SAMMSON: variants seen among roughly 807,000 people sequenced by gnomAD.
The protein encoded by SAMMSON is long intergenic non-protein coding RNA 1212.
At chr3:70,359,644 G>A (rs151057585) in intron 9 of SAMMSON, among the ~76,000 whole-genome samples, 36 of 152,154 alleles carry the variant, frequency 2.4e-4, no homozygotes, top group South Asian at 1.7e-3. Context: ...TAGCTAAGCC[G>A]TCACACTTAA....
At chr3:70,199,656 C>T (rs896527160) in intron 4 of SAMMSON, among the ~76,000 whole-genome samples, 3 of 152,106 alleles carry the variant, frequency 2.0e-5, no homozygotes, top group Non-Finnish European at 4.4e-5. Flanking sequence ...TTGCATATGG[C>T]CAATTTTTGT....
intron 4 of SAMMSON, among the ~76,000 whole-genome samples, chr3:70,099,672 C>T (rs1383627057): frequency 6.6e-6 from 1 of 152,102 alleles, no homozygotes; most frequent in African/African-American, 2.4e-5. Context: ...TTCAGTTTGG[C>T]CTTGATTACT....
At chr3:70,203,089 A>G (rs1464187108) in intron 4 of SAMMSON, among the ~76,000 whole-genome samples, 2 of 152,098 alleles carry the variant, frequency 1.3e-5, no homozygotes, top group Admixed American at 6.6e-5. Context: ...CTGCTACCCC[A>G]GGACTCCTTA....
At chr3:70,126,042 T>C in intron 4 of SAMMSON, 1 of 1,002,768 alleles carries the variant, frequency 1.0e-6, no homozygotes, top group Non-Finnish European at 1.5e-6. Context: ...GCAAATTCAT[T>C]TTATTCATAA....
At chr3:70,073,269 TAG>T (rs1332644495) in intron 4 of SAMMSON, among the ~76,000 whole-genome samples, 1 of 152,050 alleles carries the variant, frequency 6.6e-6, no homozygotes, top group African/African-American at 2.4e-5. Context: ...CTTATAGTCT[TAG>T]GTGTTGGCAC....
rs181067671 is a variant in SAMMSON, at chr3:70,212,290, T to G, written n.508-36817T>G. 2.5e-4 allele frequency among the ~76,000 whole-genome samples: 38 copies of G among 152,274 alleles called. No individual in the cohort carries two copies. In the East Asian group the frequency reaches 5.6e-3, roughly 22 times the overall value. On this transcript the variant is annotated intron_variant and non_coding_transcript_variant, in intron 4 of 9. Transcript: ENST00000642114. The stretch of plus-strand genomic sequence containing the variant: ...ACACTTGTAACTGTCTATTGGACAT[T>G]TTTTGTGGGTAACTAGCGAAATCCT...
At chr3:70,391,816 TACTG>T (rs1701051245), downstream of SAMMSON, among the ~76,000 whole-genome samples, 2 of 152,278 alleles carry the variant, frequency 1.3e-5, no homozygotes, top group Admixed American at 1.3e-4. Flanking sequence ...AAGGCAAACT[TACTG>T]ACGCATCATG....
downstream of SAMMSON, among the ~76,000 whole-genome samples, chr3:70,392,601 G>A (rs1401629172): frequency 6.6e-6 from 1 of 152,150 alleles, no homozygotes; most frequent in East Asian, 1.9e-4. Context: ...AATGTTTGCA[G>A]TAAGGCTGAA....
At chr3:70,064,159 A>G (rs2067201013) in intron 3 of SAMMSON, among the ~76,000 whole-genome samples, 1 of 152,144 alleles carries the variant, frequency 6.6e-6, no homozygotes, top group Non-Finnish European at 1.5e-5. Context: ...ATAAAAAATT[A>G]TTTGAGACTG....
intron 4 of SAMMSON, among the ~76,000 whole-genome samples, chr3:70,232,120 G>A (rs1333007866): frequency 1.3e-5 from 2 of 152,156 alleles, no homozygotes; most frequent in Non-Finnish European, 2.9e-5. Flanking sequence ...GGTGACACTG[G>A]CAGCGAGATG....
At chr3:70,344,891 CA>C in intron 7 of SAMMSON, among the ~76,000 whole-genome samples, 1 of 152,236 alleles carries the variant, frequency 6.6e-6, no homozygotes, top group South Asian at 2.1e-4. Context: ...GCCATTTCTC[CA>C]AGGATGTATT....
At chr3:70,202,641 C>T (rs955802982) in intron 4 of SAMMSON, among the ~76,000 whole-genome samples, 4 of 152,118 alleles carry the variant, frequency 2.6e-5, no homozygotes, top group African/African-American at 9.7e-5. Flanking sequence ...CAGAGACCTG[C>T]AGGCTGCACA....
At chr3:70,365,032 G>A (rs1389592877) in intron 9 of SAMMSON, among the ~76,000 whole-genome samples, 1 of 151,424 alleles carries the variant, frequency 6.6e-6, no homozygotes, top group Non-Finnish European at 1.5e-5. Flanking sequence ...TTTCTAAAAT[G>A]TACATTTATT....
intron 6 of SAMMSON, among the ~76,000 whole-genome samples, chr3:70,263,539 ATGTT>A (rs1035824702): frequency 2.6e-5 from 4 of 152,102 alleles, no homozygotes; most frequent in Non-Finnish European, 5.9e-5. Flanking sequence ...TCTCTGGAAA[ATGTT>A]TGGTTGACAG....
intron 3 of SAMMSON, among the ~76,000 whole-genome samples, chr3:70,047,393 A>G (rs906885080): frequency 6.6e-6 from 1 of 151,452 alleles, no homozygotes; most frequent in African/African-American, 2.4e-5. Flanking sequence ...CTGGAGTATA[A>G]CAGTGTGATC....
intron 4 of SAMMSON, among the ~76,000 whole-genome samples, chr3:70,210,455 A>G (rs150163265): frequency 6.6e-6 from 1 of 152,246 alleles, no homozygotes; most frequent in East Asian, 1.9e-4. Context: ...AGTGAGTCAC[A>G]ATTTTTGGGT....
At chr3:70,371,800 C>G (rs2106746247) in intron 9 of SAMMSON, among the ~76,000 whole-genome samples, 1 of 152,200 alleles carries the variant, frequency 6.6e-6, no homozygotes, top group South Asian at 2.1e-4. Context: ...TTGGCTTCTT[C>G]TTTTCCAGAT....
At chr3:70,317,870 A>G (rs182649251) in intron 7 of SAMMSON, among the ~76,000 whole-genome samples, 2 of 151,974 alleles carry the variant, frequency 1.3e-5, no homozygotes, top group Admixed American at 1.3e-4. Context: ...TCATTTGTCT[A>G]AAAATGTCTT....
intron 2 of SAMMSON, among the ~76,000 whole-genome samples, chr3:70,398,344 G>A (rs921152310): frequency 6.6e-6 from 1 of 152,130 alleles, no homozygotes; most frequent in African/African-American, 2.4e-5. Flanking sequence ...ATCCAAAATG[G>A]ATTCAAAATA....
Sources: allele counts gnomAD v4.1 joint callset (sites outside exome capture counted in the v4.1 genomes callset), GRCh38; gene constraint gnomAD v4.1.1; transcripts MANE v1.5; gene names NCBI Gene and HGNC (gene_info 2026-07-23, HGNC 2026-07-21).